Variants in SYTL2 observed in about 807,000 individuals in gnomAD.
SYTL2 encodes the protein synaptotagmin like 2, also known as synaptotagmin-like protein 2.
Under a neutral mutation model 198.7 loss-of-function variants are expected in SYTL2, and 165 were observed. The ratio of observed to expected loss-of-function variants is 0.83; its 90% CI spans 0.73 to 0.94. The LOEUF (loss-of-function observed/expected upper bound fraction) is 0.94. Ranked by LOEUF, SYTL2 falls within the 40% of genes least tolerant of loss-of-function variation. SYTL2 has a pLI of 0.00. For missense variants in SYTL2, 2,835 were observed against 2,582.8 expected, an observed-to-expected ratio of 1.10 and a Z score of -2.12; for synonymous variants, 966 against 917.7, an observed-to-expected ratio of 1.05 and a Z score of -0.95.
chr11:85,698,165 G>T, intron 17 of SYTL2, 87 bp from the exon 18 acceptor site: 1 of 836,356 alleles, frequency 1.2e-6, no homozygotes, highest in South Asian at 1.5e-5. Context: ...AAAATGTTCT[G>T]GCATGGAGAT....
intron 2 of SYTL2, among the ~76,000 whole-genome samples, chr11:85,749,410 A>C (rs2091376252): frequency 1.3e-5 from 2 of 152,258 alleles, no homozygotes; most frequent in Middle Eastern, 3.2e-3. Context: ...TTCCTCAATT[A>C]GCAAATCAAA....
chr11:85,828,454 T>C, the SYTL2 span, among the ~76,000 whole-genome samples: 1 of 152,344 alleles, frequency 6.6e-6, no homozygotes, highest in African/African-American at 2.4e-5. Context: ...TGACTCATCA[T>C]AGTAAACAGG....
At chr11:85,817,778 C>T in the SYTL2 span, among the ~76,000 whole-genome samples, 1 of 152,092 alleles carries the variant, frequency 6.6e-6, no homozygotes, top group South Asian at 2.1e-4. Context: ...AAAGATCTTA[C>T]ATCTGTGTTA....
intron 1 of SYTL2, among the ~76,000 whole-genome samples, chr11:85,767,095 C>T (rs1305350781): frequency 6.6e-6 from 1 of 152,050 alleles, no homozygotes; most frequent in Non-Finnish European, 1.5e-5. Flanking sequence ...AAGTTAAACA[C>T]GCATATTTGT....
intron 3 of SYTL2, among the ~76,000 whole-genome samples, chr11:85,747,860 T>C (rs944115180): frequency 2.0e-5 from 3 of 152,230 alleles, no homozygotes; most frequent in Non-Finnish European, 4.4e-5. Context: ...GTCTCTTAAA[T>C]AATGTACTTG....
chr11:85,772,101 G>T (rs2092367281), intron 1 of SYTL2, among the ~76,000 whole-genome samples: 1 of 151,968 alleles, frequency 6.6e-6, no homozygotes, highest in African/African-American at 2.4e-5. Flanking sequence ...ACAAGGTTTC[G>T]TCACACTGCC....
Position 85,724,403 on chromosome 11 carries a change from A to T in SYTL2, c.4955T>A (p.Phe1652Tyr). Residue 1652 changes from phenylalanine (F) to tyrosine (Y), a missense_variant, in exon 8 of 20, where the codon TTT (phenylalanine) becomes TAT (tyrosine). This residue lies in a region of SYTL2 where 2,645 missense variants were observed against 2,381.7 expected (regional missense o/e 1.11). Transcript: ENST00000359152. ...CTCAACTCCACTTCTGGAACCACAAAAATCTACCAATAAATCAGTCACAAG... is the reference window on the plus strand; with the variant it reads ...CTCAACTCCACTTCTGGAACCACAATAATCTACCAATAAATCAGTCACAAG... Reference protein sequence around the residue: ...DALVTDLLVDFCGSRSGVEIP... With the variant: ...DALVTDLLVDYCGSRSGVEIP... 1 of 1,598,892 alleles carries T rather than the reference A, an allele frequency of 6.3e-7. No homozygotes were observed. The highest frequency in any genetic ancestry group is 1.7e-5 in the Admixed American group (1 of 57,708).
intron 1 of SYTL2, among the ~76,000 whole-genome samples, chr11:85,795,858 T>C (rs561830929): frequency 4.0e-5 from 6 of 151,822 alleles, no homozygotes; most frequent in African/African-American, 1.4e-4. Context: ...AAACTGCAAA[T>C]AGTGCTGGGA....
chr11:85,745,959 A>G (rs1426252069), intron 3 of SYTL2, among the ~76,000 whole-genome samples, 187 bp from the exon 4 acceptor site: 1 of 152,104 alleles, frequency 6.6e-6, no homozygotes, highest in East Asian at 1.9e-4. Flanking sequence ...TTCCCACGAC[A>G]TTAGATTTCC....
At chr11:85,753,637 A>G (rs1157964713) in intron 2 of SYTL2, among the ~76,000 whole-genome samples, 2 of 152,008 alleles carry the variant, frequency 1.3e-5, no homozygotes, top group Middle Eastern at 3.2e-3. Context: ...TGGATGTGGT[A>G]GTACACACAT....
At chr11:85,735,034 A>G (rs2090195160) in intron 6 of SYTL2, among the ~76,000 whole-genome samples, 1 of 152,206 alleles carries the variant, frequency 6.6e-6, no homozygotes, top group Admixed American at 6.5e-5. Context: ...ACCCTGATGT[A>G]AACGATGTAC....
chr11:85,807,096 T>G (rs912303848), intron 1 of SYTL2, among the ~76,000 whole-genome samples: 1 of 152,232 alleles, frequency 6.6e-6, no homozygotes, highest in African/African-American at 2.4e-5. Context: ...AGCCTCTGCC[T>G]TGCTTAGGGC....
chr11:85,761,617 C>T (rs777908566), intron 1 of SYTL2, among the ~76,000 whole-genome samples: 6 of 152,172 alleles, frequency 3.9e-5, no homozygotes, highest in South Asian at 2.1e-4. Context: ...ACACATGTGG[C>T]GCTGTACATA....
chr11:85,726,701 C>G lies in SYTL2; in HGVS notation c.2657G>C (p.Gly886Ala), dbSNP rs936242287. ...AGCTGAAAGATAGTATCTGGATGGA[C>G]CTGCTATTTGTGGCTTGGTCTCTTT... ...KSKETKPQIA[G>A]PSRYYLSAEQ... Residue 886 changes from glycine (G) to alanine (A), a missense_variant, in exon 8 of 20, where the codon GGT becomes GCT. Physicochemically the swap from Gly to Ala is moderately conservative, Grantham distance 60. This residue lies in a region of SYTL2 where 2,645 missense variants were observed against 2,381.7 expected (regional missense o/e 1.11). Transcript: ENST00000359152. The G allele has an allele frequency of 5.9e-6, 9 of 1,536,108 alleles. No homozygotes were observed. In the African/African-American group the frequency reaches 9.6e-5, roughly 16 times the overall value.
chr11:85,765,395 C>A (rs966153629), intron 1 of SYTL2, among the ~76,000 whole-genome samples: 1 of 152,136 alleles, frequency 6.6e-6, no homozygotes, highest in African/African-American at 2.4e-5. Context: ...TGCCACCATG[C>A]CAAGCTAATT....
At position 85,788,825 on chromosome 11, in the gene SYTL2, G is replaced by C. The variant is rs562156802; in HGVS notation, c.-390+22129C>G. On this transcript the variant is annotated intron_variant, in intron 1 of 19. Transcript: ENST00000359152. ...AGGAATCATCCATGACTGAGACACA[G>C]AATGTCCCCTCCCTTTATAGAGCTC... Among the ~76,000 whole-genome samples the C allele has an allele frequency of 2.0e-3, 311 of 151,840 alleles. 1 individual carries two copies. Among genetic ancestry groups the C allele is most frequent in the Admixed American group, 5.4e-3 (83 of 15,248 alleles).
intron 1 of SYTL2, among the ~76,000 whole-genome samples, chr11:85,803,475 G>A (rs1294204267): frequency 1.3e-5 from 2 of 152,174 alleles, no homozygotes; most frequent in African/African-American, 4.8e-5. Flanking sequence ...GACTCCTTAG[G>A]CCATGGAGCG....
chr11:85,785,258 T>C (rs930002962), intron 1 of SYTL2, among the ~76,000 whole-genome samples: 12 of 152,150 alleles, frequency 7.9e-5, no homozygotes, highest in Non-Finnish European at 1.6e-4. Context: ...TCAACAAAAC[T>C]AAAATGAAAA....
At position 85,788,860 on chromosome 11, in the gene SYTL2, T is replaced by A. The variant is rs2092678602; in HGVS notation, c.-390+22094A>T. On this transcript the variant is annotated intron_variant, in intron 1 of 19. Coordinates refer to ENST00000359152, the MANE Select transcript of SYTL2 (RefSeq NM_206927.4). ...TCCCTTTATAGAGCTCATGGTCTCA[T>A]TCTGCATACTCACATTTGGTTGCTT... Among the ~76,000 whole-genome samples, 4 of 151,976 alleles carry A rather than the reference T, an allele frequency of 2.6e-5. No individual in the cohort carries two copies. In the South Asian group the frequency reaches 8.3e-4, roughly 31 times the overall value.
Sources: allele counts gnomAD v4.1 joint callset (sites outside exome capture counted in the v4.1 genomes callset), GRCh38; gene constraint gnomAD v4.1.1; regional missense constraint gnomAD v4.1.1; transcripts MANE v1.5; gene names NCBI Gene and HGNC (gene_info 2026-07-23, HGNC 2026-07-21).